The following NUP54 variants were observed in gnomAD, a reference collection of about 807,000 sequenced individuals.
The protein encoded by NUP54 is nucleoporin p54.
NUP54 carries 27 observed loss-of-function variants against 66.4 expected under a neutral mutation model. The observed-to-expected ratio is 0.41, with a 90% CI of 0.30 to 0.56. The LOEUF is 0.56. Among genes scored for constraint, NUP54 ranks in the 20% least tolerant of loss-of-function variants. The pLI, the probability that NUP54 is intolerant of heterozygous loss-of-function variation, is 0.34. For missense variants in NUP54, 486 were observed against 596.3 expected, an observed-to-expected ratio of 0.82 and a Z score of 1.93; for synonymous variants, 206 against 210.7, an observed-to-expected ratio of 0.98 and a Z score of 0.19.
chr4:76,141,276 T>TA (rs1731259043), intron 3 of NUP54, among the ~76,000 whole-genome samples: 1 of 152,228 alleles, frequency 6.6e-6, no homozygotes, highest in South Asian at 2.1e-4. Flanking sequence ...ATTTAAGTGT[T>TA]AGTGTTTCTA....
Position 76,144,456 on chromosome 4 carries a change from C to G in NUP54, c.85G>C (p.Gly29Arg). Residue 29 changes from glycine (G) to arginine (R), a missense_variant, in exon 2 of 12, where the codon GGG becomes CGG. Physicochemically the swap from Gly to Arg is moderately radical, Grantham distance 125 (BLOSUM62 -2). Around this residue, in one of 4 missense-constraint regions of NUP54, gnomAD observed 145 missense variants for 137.1 expected, o/e 1.06. Transcript: ENST00000264883. The part of the protein sequence containing the change: ...AAPAGGFGGF[G>R]TTSTTAGSAF... ...GAACCTGCAGTTGTAGATGTTGTCC[C>G]AAATCCTCCAAACCCACCTAATTAA... 6.2e-7 allele frequency: 1 copy of G among 1,603,054 alleles called. No homozygotes were observed.
At chr4:76,123,888 T>C (rs1454250353) in intron 9 of NUP54, among the ~76,000 whole-genome samples, 2 of 152,210 alleles carry the variant, frequency 1.3e-5, no homozygotes, top group Non-Finnish European at 2.9e-5. Context: ...TTGTATATTT[T>C]ACTCTGTTTT....
chr4:76,132,140 T>C (rs772179206), intron 6 of NUP54, among the ~76,000 whole-genome samples: 31 of 152,126 alleles, frequency 2.0e-4, no homozygotes, highest in Non-Finnish European at 4.0e-4. Flanking sequence ...ATCTATCACA[T>C]AGTCAATCTA....
Position 76,117,690 on chromosome 4 carries a change from C to T in NUP54, c.1369G>A (p.Ala457Thr). Residue 457 changes from alanine (A) to threonine (T), a missense_variant, in exon 11 of 12, where the codon GCA becomes ACA. Physicochemically the swap from Ala to Thr is moderately conservative, Grantham distance 58. Around this residue, in one of 4 missense-constraint regions of NUP54, gnomAD observed 83 missense variants for 128.6 expected, o/e 0.65. Coordinates refer to ENST00000264883, the MANE Select transcript of NUP54 (RefSeq NM_017426.4). ...TGCTTGATTTCTCGTAACAGATCTG[C>T]ATCTATGTAATACCTTTCTTCAGAT... is the stretch of plus-strand genomic sequence containing the variant. ...VRSEERYYID[A>T]DLLREIKQHL... The T allele has an allele frequency of 6.2e-7, 1 of 1,611,922 alleles. No individual in the cohort carries two copies. The highest frequency in any genetic ancestry group is 1.1e-5 in the South Asian group (1 of 90,988).
chr4:76,123,926 A>C (rs1169390480), intron 9 of NUP54, among the ~76,000 whole-genome samples: 1 of 152,214 alleles, frequency 6.6e-6, no homozygotes, highest in African/African-American at 2.4e-5. Flanking sequence ...TGAGATGCTT[A>C]GTAATTTTAA....
At chr4:76,147,920 G>A (rs1040325265) in intron 1 of NUP54, 2 of 279,500 alleles carry the variant, frequency 7.2e-6, no homozygotes, top group Middle Eastern at 2.2e-3. Context: ...TCCTCGCCGA[G>A]TCCGGCAGCG....
chr4:76,134,095 G>C, intron 5 of NUP54, 80 bp downstream of exon 5: 1 of 960,094 alleles, frequency 1.0e-6, no homozygotes, highest in Non-Finnish European at 1.5e-6. Context: ...TTGTGCTTTA[G>C]CAACAAAAAC....
intron 9 of NUP54, among the ~76,000 whole-genome samples, chr4:76,120,419 CTCT>C (rs1387380958): frequency 1.6e-5 from 2 of 127,754 alleles, no homozygotes; most frequent in Non-Finnish European, 3.1e-5. Context: ...GTAAAGGGAT[CTCT>C]TTTTTTTTTT....
At chr4:76,138,923 G>A (rs1401616832) in intron 3 of NUP54, among the ~76,000 whole-genome samples, 1 of 152,124 alleles carries the variant, frequency 6.6e-6, no homozygotes, top group Non-Finnish European at 1.5e-5. Flanking sequence ...TAAAGCCCAT[G>A]CATTCAAAAT....
At position 76,130,697 on chromosome 4, in the gene NUP54, C is replaced by A; in HGVS notation, c.1015G>T (p.Val339Phe). 6.2e-7 allele frequency: 1 copy of A among 1,613,812 alleles called. No individual in the cohort carries two copies. Among genetic ancestry groups the A allele is most frequent in the South Asian group, 1.1e-5 (1 of 91,054 alleles). The stretch of plus-strand genomic sequence containing the variant: ...TGCTGCTTAGTCATCTGATCTTGAA[C>A]CTTCAGTCTTCGGAGAAGTTCCTTA... ...GFKELLRRLK[V>F]QDQMTKQHQT... The change falls in exon 8 of 12, where the codon GTT becomes TTT. Residue 339 changes from valine (V) to phenylalanine (F), a missense_variant. Physicochemically the swap from Val to Phe is conservative, Grantham distance 50. This residue lies in a region of NUP54 where 217 missense variants were observed against 247.9 expected (regional missense o/e 0.88). Coordinates refer to ENST00000264883, the MANE Select transcript of NUP54 (RefSeq NM_017426.4).
At chr4:76,143,861 T>C (rs1047263665) in intron 3 of NUP54, among the ~76,000 whole-genome samples, 5 of 152,182 alleles carry the variant, frequency 3.3e-5, no homozygotes, top group Non-Finnish European at 7.3e-5. Context: ...TGTAAACTTA[T>C]ATATAATTCA....
intron 1 of NUP54, chr4:76,146,040 T>C (rs1196988843): frequency 9.5e-6 from 4 of 418,858 alleles, no homozygotes; most frequent in South Asian, 1.8e-5. Flanking sequence ...AGAATAACTA[T>C]GATATAATCT....
At chr4:76,126,224 T>C (rs909841016) in intron 8 of NUP54, among the ~76,000 whole-genome samples, 9 of 152,234 alleles carry the variant, frequency 5.9e-5, no homozygotes, top group Non-Finnish European at 1.3e-4. Flanking sequence ...CCCACTATTC[T>C]GCCTTAGGAA....
At position 76,118,382 on chromosome 4, in the gene NUP54, TATAGACTTA is replaced by T; in HGVS notation, c.1165-197_1165-189del. ...AAAAGTTATCATATAAATACAATGA[TATAGACTTA>T]ATTGTTTTTTTTGAGACAGGGTCTT... On this transcript the variant is annotated intron_variant, in intron 9 of 11. Transcript: ENST00000264883. 5.2e-6 allele frequency: 3 copies of T among 578,610 alleles called. No homozygotes were observed. In the South Asian group the frequency reaches 6.0e-5, roughly 12 times the overall value. The allele number at this position is 578,610 out of a possible 1,614,324, so 35.8% of individuals were successfully genotyped here.
intron 3 of NUP54, among the ~76,000 whole-genome samples, chr4:76,143,318 A>C (rs867810477): frequency 6.6e-6 from 1 of 152,216 alleles, no homozygotes; most frequent in African/African-American, 2.4e-5. Context: ...AAAAATAAAA[A>C]AGAGAGGCCA....
intron 3 of NUP54, among the ~76,000 whole-genome samples, chr4:76,140,827 G>T (rs1036518088): frequency 6.6e-6 from 1 of 152,138 alleles, no homozygotes; most frequent in Non-Finnish European, 1.5e-5. Flanking sequence ...AGACAGTTGG[G>T]CTTACAAAGG....
intron 8 of NUP54, among the ~76,000 whole-genome samples, chr4:76,130,189 C>T (rs1730742945): frequency 6.6e-6 from 1 of 151,674 alleles, no homozygotes; most frequent in Non-Finnish European, 1.5e-5. Context: ...GCCAAGTCGG[C>T]CAGGCTTGTC....
intron 9 of NUP54, among the ~76,000 whole-genome samples, chr4:76,121,568 G>A (rs1257906314): frequency 6.6e-6 from 1 of 152,196 alleles, no homozygotes; most frequent in Non-Finnish European, 1.5e-5. Context: ...GGGCTCAGGT[G>A]CTTCTCCTGC....
chr4:76,129,885 AAAACCTTAGC>A (rs1560682869), intron 8 of NUP54, among the ~76,000 whole-genome samples: 18 of 111,280 alleles, frequency 1.6e-4, no homozygotes, highest in East Asian at 4.3e-4. Context: ...AAAAAAAAAA[AAAACCTTAGC>A]AAAGTTAAAA....
Sources: gnomAD v4.1 joint callset for allele counts (sites outside exome capture counted in the v4.1 genomes callset) on GRCh38, gnomAD v4.1.1 for gene constraint, gnomAD v4.1.1 regional missense constraint, MANE v1.5 for transcripts, NCBI Gene and HGNC (gene_info 2026-07-23, HGNC 2026-07-21) for gene names.